The following BRWD1 variants were observed in gnomAD, a reference collection of about 807,000 sequenced individuals.
BRWD1 encodes bromodomain and WD repeat-containing protein 1.
A neutral mutation model predicts 251.2 loss-of-function variants in BRWD1; 82 were observed. The observed-to-expected ratio is 0.33, with a 90% confidence interval of 0.27 to 0.39. The LOEUF is 0.39. BRWD1 is among the 10% of genes least tolerant of loss of function. The probability of loss-of-function intolerance (pLI) is 1.00; values close to 1 mark genes in which losing one functional copy is unlikely to be tolerated. For synonymous variants in BRWD1, 918 were observed against 902.8 expected (o/e 1.02, Z -0.30); for missense variants, 2,233 against 2,711.6 (o/e 0.82, Z 3.92).
chr21:39,287,940 G>C (rs954562940), intron 8 of BRWD1, among the ~76,000 whole-genome samples: 13 of 152,136 alleles, frequency 8.5e-5, no homozygotes, highest in African/African-American at 2.7e-4. Flanking sequence ...TAGCTGCACT[G>C]GACAACAATA....
At position 39,284,414 on chromosome 21, in the gene BRWD1, G is replaced by A. The variant is rs369152785; in HGVS notation, c.832-4166C>T. Among the ~76,000 whole-genome samples, 86 of 152,292 alleles carry A rather than the reference G, an allele frequency of 5.6e-4. 2 individuals are homozygous for A. Among genetic ancestry groups the A allele is most frequent in the African/African-American group, 2.0e-3 (84 of 41,552 alleles). On this transcript the variant is annotated intron_variant, in intron 8 of 40. Transcript: ENST00000342449. ...GGATGACTTGAGCTCATAAGTTTGA[G>A]GCCAAGCGAGCTATGATTACACCAC...
At chr21:39,228,185 G>C (rs2033459259) in intron 27 of BRWD1, among the ~76,000 whole-genome samples, 1 of 152,096 alleles carries the variant, frequency 6.6e-6, no homozygotes, top group South Asian at 2.1e-4. Context: ...CTACTCAGGA[G>C]GCTGAGGCAA....
Position 39,188,658 on chromosome 21 carries a change from C to T in BRWD1, c.*7601G>A, listed in dbSNP as rs2031381453. 1.0e-6 allele frequency: 1 copy of T among 985,368 alleles called. No homozygotes were observed. The highest frequency in any genetic ancestry group is 1.2e-6 in the Non-Finnish European group (1 of 829,904). The allele number at this position is 985,368 out of a possible 1,614,324, so 61.0% of individuals were successfully genotyped here. A position where few individuals can be genotyped will look rare whatever the true frequency, so the allele number is the denominator to read the frequency against. ...CTAGACTAATGAGGCAGGCCTCTGC[C>T]CTCACAGTGCAAGCACTTCAGATTT... is the stretch of plus-strand genomic sequence containing the variant. On this transcript the variant is annotated 3_prime_UTR_variant, in exon 41 of 41. Transcript: ENST00000342449.
intron 6 of BRWD1, 67 bp downstream of exon 6, chr21:39,296,198 T>C: frequency 7.6e-7 from 1 of 1,307,244 alleles, no homozygotes. Flanking sequence ...TAATACAGCA[T>C]TTATAAAGGT....
chr21:39,226,149 C>G (rs1315136873), intron 27 of BRWD1, among the ~76,000 whole-genome samples: 2 of 151,908 alleles, frequency 1.3e-5, no homozygotes, highest in African/African-American at 2.4e-5. Context: ...CAAAAACAAC[C>G]CTTTAAATAA....
In BRWD1 at chr21:39,206,231, T is replaced by C; in HGVS notation, c.4241A>G (p.Lys1414Arg). 6.2e-7 allele frequency: 1 copy of C among 1,609,290 alleles called. No homozygotes were observed. Among genetic ancestry groups the C allele is most frequent in the Non-Finnish European group, 8.5e-7 (1 of 1,176,378 alleles). ...AAAATCAGAAGAGATTTTCTTCATT[T>C]TTTCTTCAAATAAGGCAGATAATCT... ...TLRLSALFEEKMKKISSDFKI... is the reference protein window; with the variant it reads ...TLRLSALFEERMKKISSDFKI... The change falls in exon 37 of 41, where the codon AAA becomes AGA. Residue 1414 changes from lysine (K) to arginine (R), a missense_variant. Physicochemically the swap from Lys to Arg is conservative, Grantham distance 26 (BLOSUM62 2). This residue lies in a region of BRWD1 where 69 missense variants were observed against 101.6 expected (regional missense o/e 0.68). Transcript: ENST00000342449.
At chr21:39,222,911 C>G (rs1291641326) in intron 29 of BRWD1, among the ~76,000 whole-genome samples, 1 of 151,522 alleles carries the variant, frequency 6.6e-6, no homozygotes, top group African/African-American at 2.4e-5. Context: ...AATAATTGCA[C>G]TGAGAAAGAC....
chr21:39,302,983 C>A lies in BRWD1; in HGVS notation c.199-4401G>T, dbSNP rs148404398. 4.7e-3 allele frequency among the ~76,000 whole-genome samples: 714 copies of A among 151,442 alleles called. 6 individuals carry two copies. Among genetic ancestry groups the A allele is most frequent in the African/African-American group, 0.016 (680 of 41,238 alleles). ...GCTGAGGCAGAGAACTGCTTGAACCCAGGAGACAAAGGTTGCAGTGAGCCG... is the reference window on the plus strand; with the variant it reads ...GCTGAGGCAGAGAACTGCTTGAACCAAGGAGACAAAGGTTGCAGTGAGCCG... On this transcript the variant is annotated intron_variant, in intron 4 of 40. Coordinates refer to ENST00000342449, the MANE Select transcript of BRWD1 (RefSeq NM_033656.4).
intron 21 of BRWD1, among the ~76,000 whole-genome samples, chr21:39,245,894 G>T (rs1261662488): frequency 6.6e-6 from 1 of 152,082 alleles, no homozygotes; most frequent in Non-Finnish European, 1.5e-5. Flanking sequence ...GAGCCACCGT[G>T]CCCGGCCTAT....
Position 39,224,390 on chromosome 21 carries a change from T to C in BRWD1, c.3382+18A>G. ...TTATAAAAATAAAATGTTTTCATTA[T>C]TTAACAAATATATATACCATTATCA... is the stretch of plus-strand genomic sequence containing the variant. On this transcript the variant is annotated intron_variant, in intron 29 of 40. Transcript: ENST00000342449. 6.8e-7 allele frequency: 1 copy of C among 1,476,690 alleles called. No homozygotes were observed. Among genetic ancestry groups the C allele is most frequent in the East Asian group, 2.3e-5 (1 of 43,360 alleles). 91.5% of individuals were successfully genotyped at this position (1,476,690 alleles called of 1,614,324 possible).
In BRWD1 at chr21:39,267,483, C is replaced by T. The variant is rs553569399; in HGVS notation, c.1530+2416G>A. 2.6e-4 allele frequency among the ~76,000 whole-genome samples: 40 copies of T among 152,268 alleles called. No individual in the cohort carries two copies. In the South Asian group the frequency reaches 7.9e-3, roughly 30 times the overall value. The stretch of plus-strand genomic sequence containing the variant: ...GCGTGGTGGCAGGCGCGTGTAATCC[C>T]AGCTACTTGAGAGGCTGAGGCGGGA... On this transcript the variant is annotated intron_variant, in intron 15 of 40. Coordinates refer to ENST00000342449, the MANE Select transcript of BRWD1 (RefSeq NM_033656.4).
rs1257570759 is a variant in BRWD1 at position 39,264,641 on chromosome 21, A to T, written c.1704T>A (p.Ile568=). The change falls in exon 17 of 41, where the codon ATT becomes ATA. Residue 568 remains isoleucine, a synonymous_variant. Transcript: ENST00000342449. ...MFFHTDYRPL[I]RDSNNYVLDE... ...CTAAGACATAATTATTAGAATCTCT[A>T]ATAAGTGGTCGATAGTCAGTATGGA... 7 of 1,612,722 alleles carry T rather than the reference A, an allele frequency of 4.3e-6. No homozygotes were observed. The highest frequency in any genetic ancestry group is 5.9e-6 in the Non-Finnish European group (7 of 1,179,508).
At chr21:39,289,067 T>G (rs1417806274) in intron 8 of BRWD1, among the ~76,000 whole-genome samples, 2 of 152,254 alleles carry the variant, frequency 1.3e-5, no homozygotes, top group Non-Finnish European at 2.9e-5. Context: ...AGTTGAGACT[T>G]GCTTTAGACC....
At chr21:39,255,972 G>T in intron 18 of BRWD1, 144 bp from the exon 19 acceptor site, 1 of 787,718 alleles carries the variant, frequency 1.3e-6, no homozygotes, top group Non-Finnish European at 2.0e-6. Flanking sequence ...AACTTTGTGA[G>T]AAAAATCTTT....
At position 39,194,476 on chromosome 21, in the gene BRWD1, T is replaced by C. The variant is rs1424440823; in HGVS notation, c.*1783A>G. On this transcript the variant is annotated 3_prime_UTR_variant, in exon 41 of 41. Coordinates refer to ENST00000342449, the MANE Select transcript of BRWD1 (RefSeq NM_033656.4). ...TGAATCAATCTGTTTACTATCTACT[T>C]AACACAAGTTCTGAGAAGAAAAGCA... 1 of 1,399,556 alleles carries C rather than the reference T, an allele frequency of 7.1e-7. No individual in the cohort carries two copies. The highest frequency in any genetic ancestry group is 9.3e-7 in the Non-Finnish European group (1 of 1,080,464). 86.7% of individuals were successfully genotyped at this position (1,399,556 alleles called of 1,614,324 possible). A position where few individuals can be genotyped will look rare whatever the true frequency, so the allele number is the denominator to read the frequency against.
At chr21:39,304,839 C>T (rs1457881900) in intron 4 of BRWD1, among the ~76,000 whole-genome samples, 1 of 151,664 alleles carries the variant, frequency 6.6e-6, no homozygotes, top group African/African-American at 2.4e-5. Flanking sequence ...ATGAATAAAG[C>T]ATTTTCTAAT....
intron 16 of BRWD1, 103 bp from the exon 17 acceptor site, chr21:39,264,788 T>A: frequency 6.6e-7 from 1 of 1,521,774 alleles, no homozygotes; most frequent in Non-Finnish European, 8.9e-7. Context: ...GGAAATCAAA[T>A]CACTCAGCTA....
intron 4 of BRWD1, 65 bp from the exon 5 acceptor site, chr21:39,298,647 G>C (rs76577873): frequency 6.0e-6 from 8 of 1,324,010 alleles, no homozygotes; most frequent in African/African-American, 3.0e-5. Context: ...AATACTTAGG[G>C]ATAAGTCTGG....
intron 18 of BRWD1, among the ~76,000 whole-genome samples, 173 bp downstream of exon 18, chr21:39,258,314 T>G (rs957753435): frequency 7.9e-5 from 12 of 152,140 alleles, no homozygotes; most frequent in African/African-American, 2.9e-4. Context: ...AAAGACCCAT[T>G]TGTTACTACA....
Sources: allele counts gnomAD v4.1 joint callset (sites outside exome capture counted in the v4.1 genomes callset), GRCh38; gene constraint gnomAD v4.1.1; regional missense constraint gnomAD v4.1.1; transcripts MANE v1.5; gene names NCBI Gene and HGNC (gene_info 2026-07-23, HGNC 2026-07-21).